Variants in KSR2 observed in about 807,000 individuals in gnomAD.
KSR2 encodes the protein kinase suppressor of ras 2.
KSR2 carries 25 observed loss-of-function variants against 107.8 expected under a neutral mutation model. That is an observed-to-expected ratio of 0.23 (90% confidence interval 0.17 to 0.32). KSR2 has a LOEUF of 0.32. KSR2 is among the 10% of genes least tolerant of loss of function. The pLI is 1.00. For synonymous variants in KSR2, 480 were observed against 507.0 expected (o/e 0.95, Z 0.71); for missense variants, 887 against 1,268.9 (o/e 0.70, Z 4.57).
chr12:117,745,154 ACC>A (rs1487387555), intron 4 of KSR2, among the ~76,000 whole-genome samples: 1 of 151,072 alleles, frequency 6.6e-6, no homozygotes, highest in Non-Finnish European at 1.5e-5. Flanking sequence ...CCCTACCCCT[ACC>A]CCAATGCTGC....
At chr12:117,497,529 A>G (rs866789098) in intron 14 of KSR2, among the ~76,000 whole-genome samples, 41 of 152,168 alleles carry the variant, frequency 2.7e-4, no homozygotes, top group African/African-American at 9.9e-4. Flanking sequence ...CCATCTTTAG[A>G]GGGCCTACCA....
intron 5 of KSR2, among the ~76,000 whole-genome samples, chr12:117,662,138 G>A (rs975609799): frequency 5.9e-5 from 9 of 152,122 alleles, no homozygotes; most frequent in East Asian, 3.9e-4. Flanking sequence ...TTGGGGGAAC[G>A]AAGTCCTTTG....
intron 1 of KSR2, chr12:117,889,716 T>A (rs1482996532): frequency 6.6e-6 from 1 of 152,232 alleles, no homozygotes; most frequent in Non-Finnish European, 1.5e-5. Context: ...ACTTGCTTTA[T>A]CCTGGACCAG....
At chr12:117,517,935 A>ATTCT in intron 14 of KSR2, 1 of 451,562 alleles carries the variant, frequency 2.2e-6, no homozygotes. Flanking sequence ...CCTTAACAGA[A>ATTCT]GGCAGGGTTC....
At chr12:117,733,078 G>T (rs890555069) in intron 4 of KSR2, among the ~76,000 whole-genome samples, 1 of 152,124 alleles carries the variant, frequency 6.6e-6, no homozygotes, top group African/African-American at 2.4e-5. Context: ...GAAGAAAGGG[G>T]CTCAGAGCAA....
At chr12:117,753,555 C>T (rs1198690795) in intron 4 of KSR2, among the ~76,000 whole-genome samples, 1 of 152,150 alleles carries the variant, frequency 6.6e-6, no homozygotes, top group Non-Finnish European at 1.5e-5. Context: ...GGCAAACTAA[C>T]ACAGGAACAG....
At chr12:117,565,301 C>A (rs1878410039) in intron 7 of KSR2, among the ~76,000 whole-genome samples, 1 of 152,204 alleles carries the variant, frequency 6.6e-6, no homozygotes, top group African/African-American at 2.4e-5. Context: ...TGTTCCATGC[C>A]AGCTAACTTT....
At chr12:117,665,337 A>C (rs1256619290) in intron 5 of KSR2, among the ~76,000 whole-genome samples, 2 of 152,050 alleles carry the variant, frequency 1.3e-5, no homozygotes, top group Non-Finnish European at 2.9e-5. Context: ...GGGGGCTCAA[A>C]TGTTTAAATC....
At chr12:117,962,459 T>C (rs1302863522) in intron 1 of KSR2, among the ~76,000 whole-genome samples, 1 of 151,516 alleles carries the variant, frequency 6.6e-6, no homozygotes, top group Non-Finnish European at 1.5e-5. Flanking sequence ...GTTTTTTTTT[T>C]TTTGAGATGT....
In KSR2 at chr12:117,476,583, T is replaced by A. The variant is rs1221898964; in HGVS notation, c.2463A>T (p.Lys821Asn). ...ATAGCCAGCCATTCTGGATGCGCAG[T>A]TTGTCCTCCCGCCTGGAGAAGCAAA... Reference protein sequence around the residue: ...GVLQAGRREDKLRIQNGWLCH... With the variant: ...GVLQAGRREDNLRIQNGWLCH... Residue 821 changes from lysine (K) to asparagine (N), a missense_variant, in exon 17 of 20, where the codon AAA becomes AAT. Coordinates refer to ENST00000339824, the MANE Select transcript of KSR2 (RefSeq NM_173598.6). 1 of 1,611,314 alleles carries A rather than the reference T, an allele frequency of 6.2e-7. No homozygotes were observed. The highest frequency in any genetic ancestry group is 1.7e-5 in the Admixed American group (1 of 59,738).
intron 1 of KSR2, among the ~76,000 whole-genome samples, chr12:117,901,211 C>T (rs1894672583): frequency 6.6e-6 from 1 of 151,868 alleles, no homozygotes. Context: ...GATAAATAAA[C>T]AATAAAGTAG....
At chr12:117,775,119 G>A (rs1370935684) in intron 3 of KSR2, among the ~76,000 whole-genome samples, 1 of 152,178 alleles carries the variant, frequency 6.6e-6, no homozygotes, top group East Asian at 1.9e-4. Flanking sequence ...ATGAACATTT[G>A]TGTACGAGTA....
At chr12:117,883,621 G>C (rs752748562) in intron 1 of KSR2, among the ~76,000 whole-genome samples, 1 of 152,212 alleles carries the variant, frequency 6.6e-6, no homozygotes, top group African/African-American at 2.4e-5. Context: ...CAAAGACCCT[G>C]AGGTGGGAAA....
chr12:117,659,898 A>G (rs1224848270), intron 5 of KSR2, among the ~76,000 whole-genome samples: 2 of 152,194 alleles, frequency 1.3e-5, no homozygotes, highest in Non-Finnish European at 2.9e-5. Flanking sequence ...AAAAGTCAGG[A>G]TCTCCAACTT....
intron 5 of KSR2, among the ~76,000 whole-genome samples, chr12:117,664,731 G>A (rs1279128533): frequency 6.6e-6 from 1 of 152,138 alleles, no homozygotes; most frequent in Non-Finnish European, 1.5e-5. Context: ...GCATTGAAGT[G>A]ATACAATGCA....
At chr12:117,868,965 T>C (rs1239453149) in intron 1 of KSR2, among the ~76,000 whole-genome samples, 2 of 151,950 alleles carry the variant, frequency 1.3e-5, no homozygotes, top group African/African-American at 4.8e-5. Context: ...GTTGACCAGG[T>C]TGGTCTCGAA....
Position 117,467,136 on chromosome 12 carries a change from C to A in KSR2, c.*63G>T. The A allele has an allele frequency of 1.6e-6, 1 of 629,924 alleles. No individual in the cohort carries two copies. Among genetic ancestry groups the A allele is most frequent in the South Asian group, 2.0e-5 (1 of 48,942 alleles). The allele number at this position is 629,924 out of a possible 1,614,324, so 39.0% of individuals were successfully genotyped here. On this transcript the variant is annotated 3_prime_UTR_variant, in exon 20 of 20. Transcript: ENST00000339824. Reference sequence around the variant, plus strand: ...TCTGGCCTCCTGAGCTGGCAGAGGACAGAGTAGGGAGGGAGAGGTGACGGG... The same window carrying A: ...TCTGGCCTCCTGAGCTGGCAGAGGAAAGAGTAGGGAGGGAGAGGTGACGGG...
chr12:117,601,669 G>A (rs376896081), intron 5 of KSR2, among the ~76,000 whole-genome samples: 15 of 152,274 alleles, frequency 9.9e-5, no homozygotes, highest in Admixed American at 3.9e-4. Flanking sequence ...GCATGGCCCT[G>A]CCTACATCTT....
intron 4 of KSR2, among the ~76,000 whole-genome samples, chr12:117,705,016 C>T (rs551605885): frequency 1.4e-4 from 22 of 152,244 alleles, no homozygotes; most frequent in African/African-American, 4.3e-4. Context: ...TATTAAGGGA[C>T]GCCTTTGTGC....
Sources: allele counts gnomAD v4.1 joint callset (sites outside exome capture counted in the v4.1 genomes callset), GRCh38; gene constraint gnomAD v4.1.1; transcripts MANE v1.5; gene names NCBI Gene and HGNC (gene_info 2026-07-23, HGNC 2026-07-21).